The following BCAS1 variants were observed in gnomAD, a reference collection of about 807,000 sequenced individuals.
BCAS1 encodes the protein breast carcinoma-amplified sequence 1.
In BCAS1, 46 loss-of-function variants were observed where a neutral mutation model predicts 65.4. The observed-to-expected ratio is 0.70, with a 90% CI of 0.55 to 0.90. The LOEUF is 0.90. Among genes scored for constraint, BCAS1 ranks in the 40% least tolerant of loss-of-function variants. BCAS1 has a pLI of 0.00. For synonymous variants in BCAS1, 298 were observed against 293.5 expected, an observed-to-expected ratio of 1.02 and a Z score of -0.16; for missense variants, 793 against 771.2, an observed-to-expected ratio of 1.03 and a Z score of -0.33.
In BCAS1 at chr20:54,065,438, A is replaced by C. The variant is rs180933273; in HGVS notation, c.-6+4995T>G. On this transcript the variant is annotated intron_variant, in intron 1 of 12. Coordinates refer to ENST00000688948, the MANE Select transcript of BCAS1 (RefSeq NM_001366298.2). The stretch of plus-strand genomic sequence containing the variant: ...CGAAGGGGCATTTGGAAATGCCTGC[A>C]TGCAGTTTTGATAGTCACGGTTCAG... Among the ~76,000 whole-genome samples the C allele has an allele frequency of 3.2e-3, 481 of 152,350 alleles. 3 individuals carry two copies. The highest frequency in any genetic ancestry group is 0.011 in the African/African-American group (452 of 41,578).
intron 10 of BCAS1, among the ~76,000 whole-genome samples, chr20:53,957,884 T>G (rs71323982): frequency 2.5e-5 from 3 of 118,714 alleles, no homozygotes; most frequent in African/African-American, 3.6e-5. Flanking sequence ...TGTTTTATTG[T>G]TTTTTTTTTT....
In BCAS1 at chr20:53,961,369, T is replaced by C. The variant is rs983093365; in HGVS notation, c.1486-3872A>G. On this transcript the variant is annotated intron_variant, in intron 10 of 12. Transcript: ENST00000688948. Reference sequence around the variant, plus strand: ...ATCAGACCAGTCTCATGAAAACAAATCCAAGAATGGGATCTACTGAAAATT... The same window carrying C: ...ATCAGACCAGTCTCATGAAAACAAACCCAAGAATGGGATCTACTGAAAATT... Among the ~76,000 whole-genome samples, 7 of 152,184 alleles carry C rather than the reference T, an allele frequency of 4.6e-5. No individual in the cohort carries two copies. The South Asian group carries it at 1.4e-3, about 32-fold the overall frequency.
At chr20:54,007,809 T>C (rs2145933301) in intron 4 of BCAS1, among the ~76,000 whole-genome samples, 1 of 152,236 alleles carries the variant, frequency 6.6e-6, no homozygotes, top group Admixed American at 6.5e-5. Context: ...CTCCTGTTCC[T>C]CTCACCAAGG....
chr20:53,996,461 T>TAAAAAAAAAAAAAAAAAAAAA (rs143929524), intron 4 of BCAS1, among the ~76,000 whole-genome samples: 1 of 92,190 alleles, frequency 1.1e-5, no homozygotes, highest in Non-Finnish European at 2.4e-5. Flanking sequence ...TTATATCAAC[T>TAAAAAAAAAAAAAAAAAAAAA]AAAAAAAAAA....
At chr20:54,003,226 C>CAAAA (rs36065746) in intron 4 of BCAS1, among the ~76,000 whole-genome samples, 185 of 98,426 alleles carry the variant, frequency 1.9e-3, no homozygotes, top group East Asian at 3.8e-3. Flanking sequence ...GCCAAACAGA[C>CAAAA]AAAAAAAAAA....
In BCAS1 at chr20:54,017,018, A is replaced by G. The variant is rs370033592; in HGVS notation, c.723+11374T>C. Among the ~76,000 whole-genome samples, 56 of 152,348 alleles carry G rather than the reference A, an allele frequency of 3.7e-4. 1 individual carries two copies. The East Asian group carries it at 8.7e-3, about 24-fold the overall frequency. On this transcript the variant is annotated intron_variant, in intron 4 of 12. Coordinates refer to ENST00000688948, the MANE Select transcript of BCAS1 (RefSeq NM_001366298.2). The stretch of plus-strand genomic sequence containing the variant: ...CAGAAGTCTAGCCCAGGGCCTTAGC[A>G]TGGTACATCATCATTAATCCATAGT...
At chr20:54,019,034 T>C (rs2091501449) in intron 4 of BCAS1, among the ~76,000 whole-genome samples, 1 of 152,222 alleles carries the variant, frequency 6.6e-6, no homozygotes, top group Non-Finnish European at 1.5e-5. Flanking sequence ...AAAAATATAA[T>C]TAATTAATTA....
chr20:54,050,663 C>T (rs148389871), intron 3 of BCAS1, among the ~76,000 whole-genome samples: 2 of 152,288 alleles, frequency 1.3e-5, no homozygotes, highest in African/African-American at 4.8e-5. Flanking sequence ...CCTGCGAGGC[C>T]AACGTGTCAT....
At chr20:54,002,729 A>G (rs977366652) in intron 4 of BCAS1, among the ~76,000 whole-genome samples, 1 of 152,242 alleles carries the variant, frequency 6.6e-6, no homozygotes, top group African/African-American at 2.4e-5. Context: ...AACATTATTT[A>G]TAAATGAATA....
At position 53,991,870 on chromosome 20, in the gene BCAS1, A is replaced by C. The variant is rs573807279; in HGVS notation, c.1062+642T>G. On this transcript the variant is annotated intron_variant, in intron 7 of 12. Transcript: ENST00000688948. ...AGATTGTGCAGAAATATGATATTAC[A>C]TAGTATTCAAATAGTGAAACCACTT... Among the ~76,000 whole-genome samples, 7 of 152,060 alleles carry C rather than the reference A, an allele frequency of 4.6e-5. No individual in the cohort carries two copies. The South Asian group carries it at 1.5e-3, about 32-fold the overall frequency.
chr20:54,022,081 C>A (rs1351931106), intron 4 of BCAS1, among the ~76,000 whole-genome samples: 1 of 152,092 alleles, frequency 6.6e-6, no homozygotes, highest in African/African-American at 2.4e-5. Flanking sequence ...GGTACTCCTG[C>A]ATACTTGGAA....
rs2299737 is a variant in BCAS1, at chr20:53,948,186, C to T, written c.1816-3190G>A. Among the ~76,000 whole-genome samples, 5 of 152,216 alleles carry T rather than the reference C, an allele frequency of 3.3e-5. No homozygotes were observed. In the East Asian group the frequency reaches 9.7e-4, roughly 29 times the overall value. ...CTGGTTCACCCAGGCTCCACCCTGCCCAGTCAACTCACCTCTATTAAAGCT... is the reference window on the plus strand; with the variant it reads ...CTGGTTCACCCAGGCTCCACCCTGCTCAGTCAACTCACCTCTATTAAAGCT... On this transcript the variant is annotated intron_variant, in intron 12 of 12. Transcript: ENST00000688948.
Position 53,981,378 on chromosome 20 carries a change from C to T in BCAS1, c.1275+3909G>A, listed in dbSNP as rs138322933. On this transcript the variant is annotated intron_variant, in intron 8 of 12. Transcript: ENST00000688948. Reference sequence around the variant, plus strand: ...ACAAATCACCCAAATGATTCAGATACGTTTTTTAAGTTCTTAAGTCTATTT... The same window carrying T: ...ACAAATCACCCAAATGATTCAGATATGTTTTTTAAGTTCTTAAGTCTATTT... Among the ~76,000 whole-genome samples, 128 of 152,230 alleles carry T rather than the reference C, an allele frequency of 8.4e-4. 2 individuals carry two copies. Among genetic ancestry groups the T allele is most frequent in the African/African-American group, 2.6e-3 (108 of 41,548 alleles).
At chr20:54,055,548 C>A (rs2092285214) in intron 3 of BCAS1, among the ~76,000 whole-genome samples, 1 of 152,102 alleles carries the variant, frequency 6.6e-6, no homozygotes, top group Admixed American at 6.5e-5. Context: ...TGGGTCCCTC[C>A]CACAACACAT....
chr20:54,058,504 G>C, intron 2 of BCAS1, 143 bp downstream of exon 2: 1 of 1,414,836 alleles, frequency 7.1e-7, no homozygotes, highest in Non-Finnish European at 9.4e-7. Flanking sequence ...CACCTTTTAG[G>C]TTATCCTCGC....
At chr20:53,976,038 G>A (rs1345779457) in intron 8 of BCAS1, among the ~76,000 whole-genome samples, 1 of 152,160 alleles carries the variant, frequency 6.6e-6, no homozygotes, top group East Asian at 1.9e-4. Flanking sequence ...TCTGTGGAAG[G>A]CTAGAGAGCT....
chr20:54,059,993 C>G (rs2092356683), intron 1 of BCAS1, among the ~76,000 whole-genome samples: 1 of 152,180 alleles, frequency 6.6e-6, no homozygotes, highest in Admixed American at 6.5e-5. Context: ...CTTCATGGAG[C>G]TGAAGTATGG....
chr20:54,069,114 G>A (rs980659111), intron 1 of BCAS1, among the ~76,000 whole-genome samples: 2 of 152,044 alleles, frequency 1.3e-5, no homozygotes, highest in East Asian at 1.9e-4. Flanking sequence ...AGCATGCCCC[G>A]CCCCGTCTGT....
chr20:53,962,821 T>C (rs2089917437), intron 10 of BCAS1, among the ~76,000 whole-genome samples: 1 of 152,154 alleles, frequency 6.6e-6, no homozygotes, highest in Non-Finnish European at 1.5e-5. Context: ...TTCCCTAAAA[T>C]ATAGTTATTT....
Sources: gnomAD v4.1 joint callset for allele counts (sites outside exome capture counted in the v4.1 genomes callset) on GRCh38, gnomAD v4.1.1 for gene constraint, MANE v1.5 for transcripts, NCBI Gene and HGNC (gene_info 2026-07-23, HGNC 2026-07-21) for gene names.